Variants in KLHL32 observed in about 807,000 individuals in gnomAD.
KLHL32 encodes the protein kelch like family member 32.
KLHL32 carries 35 observed loss-of-function variants against 64.8 expected under a neutral mutation model. The ratio of observed to expected loss-of-function variants is 0.54; its 90% confidence interval spans 0.41 to 0.72. KLHL32 has a LOEUF of 0.72. KLHL32 is among the 30% of genes least tolerant of loss of function. The probability of loss-of-function intolerance (pLI) is 0.00; values close to 1 mark genes in which losing one functional copy is unlikely to be tolerated. For synonymous variants in KLHL32, 259 were observed against 281.0 expected (o/e 0.92, Z 0.78); for missense variants, 589 against 768.5 (o/e 0.77, Z 2.76).
chr6:96,912,028 T>C, the KLHL32 span, among the ~76,000 whole-genome samples: 1 of 151,914 alleles, frequency 6.6e-6, no homozygotes, highest in African/African-American at 2.4e-5. Flanking sequence ...ATCTGCTTTA[T>C]AGAGATGTCT....
At chr6:96,968,534 A>G (rs1258561017) in intron 2 of KLHL32, among the ~76,000 whole-genome samples, 1 of 152,178 alleles carries the variant, frequency 6.6e-6, no homozygotes, top group Non-Finnish European at 1.5e-5. Flanking sequence ...ATTTCTGGCT[A>G]CCAGGATCAG....
chr6:96,969,257 C>G (rs1438937399), intron 2 of KLHL32, among the ~76,000 whole-genome samples: 1 of 152,144 alleles, frequency 6.6e-6, no homozygotes, highest in Non-Finnish European at 1.5e-5. Flanking sequence ...TTAGTAATTG[C>G]TCTGTTTCTG....
At chr6:97,042,248 A>G (rs1373178088) in intron 4 of KLHL32, among the ~76,000 whole-genome samples, 1 of 152,218 alleles carries the variant, frequency 6.6e-6, no homozygotes. Flanking sequence ...AGTATCTTCT[A>G]TGCTAAAATG....
chr6:97,081,722 C>T (rs910713124), intron 5 of KLHL32, among the ~76,000 whole-genome samples: 1 of 152,210 alleles, frequency 6.6e-6, no homozygotes, highest in Non-Finnish European at 1.5e-5. Flanking sequence ...CTCTTTGTAG[C>T]TTTTACCTCA....
At chr6:97,039,559 C>A (rs1314932653) in intron 3 of KLHL32, among the ~76,000 whole-genome samples, 1 of 105,842 alleles carries the variant, frequency 9.4e-6, no homozygotes, top group Non-Finnish European at 2.0e-5. Flanking sequence ...CAGTGGTTCA[C>A]GCCTGTAATC....
chr6:96,984,174 A>G (rs977362030), intron 3 of KLHL32, among the ~76,000 whole-genome samples: 10 of 152,190 alleles, frequency 6.6e-5, no homozygotes, highest in Admixed American at 6.5e-4. Flanking sequence ...TTCAGTTTCC[A>G]TGTAGTTGAG....
At chr6:96,986,190 A>G (rs558822488) in intron 3 of KLHL32, among the ~76,000 whole-genome samples, 1 of 152,154 alleles carries the variant, frequency 6.6e-6, no homozygotes, top group Admixed American at 6.5e-5. Flanking sequence ...AACAGCAGAT[A>G]TTGGTGAACA....
the KLHL32 span, among the ~76,000 whole-genome samples, chr6:96,919,430 C>G: frequency 2.6e-5 from 4 of 152,260 alleles, no homozygotes; most frequent in East Asian, 7.7e-4. Flanking sequence ...TCTATGCTGA[C>G]CAAACGTTGA....
At chr6:97,037,335 G>T (rs372985990) in intron 3 of KLHL32, among the ~76,000 whole-genome samples, 1 of 151,916 alleles carries the variant, frequency 6.6e-6, no homozygotes, top group Non-Finnish European at 1.5e-5. Flanking sequence ...GGAATAATGG[G>T]TCATCAGTTT....
At chr6:96,994,688 G>A (rs537822344) in intron 3 of KLHL32, 1 of 913,544 alleles carries the variant, frequency 1.1e-6, no homozygotes, top group East Asian at 1.2e-4. Context: ...ATGAGTTCCT[G>A]TGATCATCAC....
chr6:96,951,232 G>T (rs1772544121), intron 1 of KLHL32, among the ~76,000 whole-genome samples: 1 of 152,068 alleles, frequency 6.6e-6, no homozygotes, highest in African/African-American at 2.4e-5. Context: ...GGACCAGCTT[G>T]GGTTCAGGCA....
the KLHL32 span, among the ~76,000 whole-genome samples, chr6:96,912,455 T>C: frequency 3.9e-5 from 6 of 152,200 alleles, no homozygotes; most frequent in Non-Finnish European, 8.8e-5. Context: ...ATTGTGATTT[T>C]TCCTGTGTTG....
chr6:97,136,722 G>A (rs1262641624), intron 10 of KLHL32, among the ~76,000 whole-genome samples: 3 of 152,144 alleles, frequency 2.0e-5, no homozygotes, highest in East Asian at 3.8e-4. Flanking sequence ...TCTCCCAAAC[G>A]CCTTCTTTCA....
chr6:97,088,960 A>C (rs1392816158), intron 6 of KLHL32, among the ~76,000 whole-genome samples: 1 of 152,238 alleles, frequency 6.6e-6, no homozygotes, highest in Non-Finnish European at 1.5e-5. Context: ...TTTCCATGGA[A>C]GTACAATTTG....
chr6:97,100,007 C>T (rs1430666371), intron 6 of KLHL32, among the ~76,000 whole-genome samples: 6 of 151,876 alleles, frequency 4.0e-5, no homozygotes, highest in Admixed American at 6.6e-5. Flanking sequence ...TAGCCAGGCG[C>T]GGTGGTGCAC....
rs986251521 is a variant in KLHL32 at position 97,029,097 on chromosome 6, A to G, written c.205-12395A>G. Among the ~76,000 whole-genome samples, 8 of 152,334 alleles carry G rather than the reference A, an allele frequency of 5.3e-5. No homozygotes were observed. The East Asian group carries it at 1.4e-3, about 26-fold the overall frequency. On this transcript the variant is annotated intron_variant, in intron 3 of 10. Coordinates refer to ENST00000369261, the MANE Select transcript of KLHL32 (RefSeq NM_052904.4). ...GCAGTTTCTGGCCTTCACAATTACC[A>G]TAACTTTGGCTAAGAAACAACTTGA...
chr6:96,930,645 T>C (rs948400119), intron 1 of KLHL32, among the ~76,000 whole-genome samples: 2 of 152,192 alleles, frequency 1.3e-5, no homozygotes, highest in African/African-American at 4.8e-5. Flanking sequence ...TTTAATCTGG[T>C]GTGCCGACCT....
upstream of KLHL32, among the ~76,000 whole-genome samples, chr6:96,921,920 G>T (rs1768766565): frequency 6.6e-6 from 1 of 152,134 alleles, no homozygotes; most frequent in African/African-American, 2.4e-5. Flanking sequence ...GCTTATCAAA[G>T]TATATTAAGA....
At chr6:97,069,824 G>A (rs1487060489) in intron 5 of KLHL32, among the ~76,000 whole-genome samples, 1 of 151,924 alleles carries the variant, frequency 6.6e-6, no homozygotes, top group East Asian at 1.9e-4. Context: ...TTTCTTCGGG[G>A]ATTAAATTTG....
Sources: allele counts gnomAD v4.1 joint callset (sites outside exome capture counted in the v4.1 genomes callset), GRCh38; gene constraint gnomAD v4.1.1; transcripts MANE v1.5; gene names NCBI Gene and HGNC (gene_info 2026-07-23, HGNC 2026-07-21).